The following CWC27 variants were observed in gnomAD, a reference collection of about 807,000 sequenced individuals.
The protein encoded by CWC27 is spliceosome-associated protein CWC27 homolog.
A neutral mutation model predicts 63.6 loss-of-function variants in CWC27; 47 were observed. The ratio of observed to expected loss-of-function variants is 0.74; its 90% CI spans 0.58 to 0.94. CWC27 has a LOEUF of 0.94. Among genes scored for constraint, CWC27 ranks in the 40% least tolerant of loss-of-function variants. The pLI is 0.00. For synonymous variants in CWC27, 175 were observed against 179.8 expected, an observed-to-expected ratio of 0.97 and a Z score of 0.22; for missense variants, 495 against 554.3, an observed-to-expected ratio of 0.89 and a Z score of 1.07.
At chr5:64,785,991 T>C (rs1048058406) in intron 5 of CWC27, among the ~76,000 whole-genome samples, 16 of 151,608 alleles carry the variant, frequency 1.1e-4, no homozygotes, top group Non-Finnish European at 1.0e-4. Context: ...AGTGAAACCC[T>C]GTGTCTACTA....
intron 11 of CWC27, among the ~76,000 whole-genome samples, chr5:64,912,992 T>C (rs986522585): frequency 2.0e-5 from 3 of 152,104 alleles, no homozygotes; most frequent in African/African-American, 7.2e-5. Flanking sequence ...CTGCCCTCCT[T>C]AAATTAAAAG....
At chr5:64,884,983 G>A (rs1342192369) in intron 10 of CWC27, among the ~76,000 whole-genome samples, 2 of 152,160 alleles carry the variant, frequency 1.3e-5, no homozygotes, top group Non-Finnish European at 2.9e-5. Flanking sequence ...AGTTTGTAGC[G>A]TGACACCTAC....
chr5:64,818,251 ATGTATGTACTCAATAGATAGG>A (rs1406596204), intron 10 of CWC27, among the ~76,000 whole-genome samples: 3 of 152,164 alleles, frequency 2.0e-5, no homozygotes, highest in Admixed American at 6.5e-5. Context: ...GATCAAAGGT[ATGTATGTACTCAATAGATAGG>A]AAGTTAGATT....
At chr5:64,900,657 T>C (rs78654993) in intron 11 of CWC27, among the ~76,000 whole-genome samples, 3 of 148,562 alleles carry the variant, frequency 2.0e-5, no homozygotes, top group Non-Finnish European at 4.5e-5. Context: ...CTTCTATGTG[T>C]TTTTTTTTTA....
intron 10 of CWC27, among the ~76,000 whole-genome samples, chr5:64,847,305 A>G (rs1157805009): frequency 1.3e-5 from 2 of 152,190 alleles, no homozygotes; most frequent in Non-Finnish European, 2.9e-5. Flanking sequence ...ACATTACACA[A>G]TGATGAAGGG....
At chr5:64,973,538 C>T (rs1054989868) in intron 12 of CWC27, among the ~76,000 whole-genome samples, 6 of 152,194 alleles carry the variant, frequency 3.9e-5, no homozygotes, top group African/African-American at 9.6e-5. Context: ...CTGAATAATT[C>T]CCCTGCAGAT....
At position 64,905,200 on chromosome 5, in the gene CWC27, C is replaced by CAAAAAAAAAAAAA. The variant is rs71608574; in HGVS notation, c.1042+19666_1042+19678dup. Among the ~76,000 whole-genome samples the CAAAAAAAAAAAAA allele has an allele frequency of 5.7e-3, 315 of 55,542 alleles. 23 individuals are homozygous for CAAAAAAAAAAAAA. The highest frequency in any genetic ancestry group is 0.02 in the African/African-American group (303 of 14,814). 36.4% of individuals were successfully genotyped at this position (55,542 alleles called of 152,430 possible). On this transcript the variant is annotated intron_variant, in intron 11 of 13. Coordinates refer to ENST00000381070, the MANE Select transcript of CWC27 (RefSeq NM_005869.4). ...TGGGCGACAGAGCCACACTACATCT[C>CAAAAAAAAAAAAA]AAAAAAAAAAAAAAAAAAAAAAAAC...
intron 11 of CWC27, among the ~76,000 whole-genome samples, chr5:64,947,304 GC>G (rs1338567553): frequency 6.6e-6 from 1 of 152,042 alleles, no homozygotes; most frequent in Non-Finnish European, 1.5e-5. Context: ...CACTATTCAA[GC>G]ACCAATGAGC....
chr5:64,808,403 C>T, intron 10 of CWC27: 1 of 913,662 alleles, frequency 1.1e-6, no homozygotes, highest in Non-Finnish European at 1.3e-6. Context: ...TATTAGGTTA[C>T]ATATACATTT....
At chr5:65,017,126 C>G (rs1462719591) in intron 13 of CWC27, among the ~76,000 whole-genome samples, 2 of 151,948 alleles carry the variant, frequency 1.3e-5, no homozygotes, top group Non-Finnish European at 2.9e-5. Flanking sequence ...TTGAGACCAG[C>G]CTGGCCAGCA....
At position 65,007,711 on chromosome 5, in the gene CWC27, T is replaced by C. The variant is rs191238842; in HGVS notation, c.1257-10448T>C. 2.4e-4 allele frequency among the ~76,000 whole-genome samples: 36 copies of C among 151,598 alleles called. 1 individual carries two copies. The East Asian group carries it at 5.3e-3, about 22-fold the overall frequency. ...GGCACAATCTCCCCTCACTGCAAGCTTCGCCTCCCGGATTCACGCCATTCT... is the reference window on the plus strand; with the variant it reads ...GGCACAATCTCCCCTCACTGCAAGCCTCGCCTCCCGGATTCACGCCATTCT... On this transcript the variant is annotated intron_variant, in intron 13 of 13. Coordinates refer to ENST00000381070, the MANE Select transcript of CWC27 (RefSeq NM_005869.4).
chr5:64,819,939 G>T (rs1472505953), intron 10 of CWC27, among the ~76,000 whole-genome samples: 1 of 152,080 alleles, frequency 6.6e-6, no homozygotes, highest in Non-Finnish European at 1.5e-5. Flanking sequence ...GCAGTTTAAG[G>T]TCATTCAGAG....
intron 11 of CWC27, among the ~76,000 whole-genome samples, chr5:64,901,350 A>G (rs996739990): frequency 6.6e-6 from 1 of 152,090 alleles, no homozygotes; most frequent in East Asian, 1.9e-4. Context: ...AGTCCCAGCT[A>G]CTTGGGAAGC....
intron 11 of CWC27, among the ~76,000 whole-genome samples, chr5:64,926,644 T>A (rs986950575): frequency 7.9e-5 from 12 of 152,154 alleles, no homozygotes; most frequent in African/African-American, 2.9e-4. Context: ...GTTGCCAGAA[T>A]GTATGTTTGT....
At position 65,013,104 on chromosome 5, in the gene CWC27, G is replaced by A. The variant is rs138092535; in HGVS notation, c.1257-5055G>A. Among the ~76,000 whole-genome samples the A allele has an allele frequency of 1.2e-4, 18 of 152,232 alleles. No individual in the cohort carries two copies. In the East Asian group the frequency reaches 3.5e-3, roughly 29 times the overall value. ...GCCCTTCTCTCTAGTTCTACATCAG[G>A]TGCTATATGAGATGGATAAGAACAT... On this transcript the variant is annotated intron_variant, in intron 13 of 13. Coordinates refer to ENST00000381070, the MANE Select transcript of CWC27 (RefSeq NM_005869.4).
chr5:64,936,369 T>C (rs559628405), intron 11 of CWC27, among the ~76,000 whole-genome samples: 11 of 152,350 alleles, frequency 7.2e-5, no homozygotes, highest in Non-Finnish European at 1.6e-4. Flanking sequence ...ATGTGGTTTT[T>C]GTCATTGGTT....
intron 10 of CWC27, among the ~76,000 whole-genome samples, chr5:64,844,688 C>A (rs557590631): frequency 6.6e-6 from 1 of 152,330 alleles, no homozygotes; most frequent in South Asian, 2.1e-4. Context: ...GACATGGGTG[C>A]TCAAGCAGTG....
intron 10 of CWC27, among the ~76,000 whole-genome samples, chr5:64,810,091 G>C (rs935592037): frequency 2.0e-5 from 3 of 151,932 alleles, no homozygotes; most frequent in African/African-American, 7.3e-5. Context: ...TTGAGATAAA[G>C]GTCCAATTTC....
chr5:64,798,504 A>G (rs948403680), intron 7 of CWC27, among the ~76,000 whole-genome samples: 2 of 152,174 alleles, frequency 1.3e-5, no homozygotes, highest in Non-Finnish European at 2.9e-5. Context: ...AAGTAAGTTT[A>G]TGAAATTAGA....
Sources: allele counts gnomAD v4.1 joint callset (sites outside exome capture counted in the v4.1 genomes callset), GRCh38; gene constraint gnomAD v4.1.1; transcripts MANE v1.5; gene names NCBI Gene and HGNC (gene_info 2026-07-23, HGNC 2026-07-21).